Variants in DOCK1 observed in about 807,000 individuals in gnomAD.
DOCK1 encodes dedicator of cytokinesis protein 1.
In DOCK1, 138 loss-of-function variants were observed where a neutral mutation model predicts 262.7. That is an observed-to-expected ratio of 0.53 (90% CI 0.46 to 0.61). DOCK1 has a LOEUF of 0.61. DOCK1 is among the 20% of genes least tolerant of loss of function. DOCK1 has a pLI of 0.00. For synonymous variants in DOCK1, 866 were observed against 867.4 expected (o/e 1.00, Z 0.03); for missense variants, 1,908 against 2,370.7 (o/e 0.80, Z 4.05).
At chr10:126,956,203 C>T (rs1451561146) in intron 1 of DOCK1, among the ~76,000 whole-genome samples, 2 of 152,228 alleles carry the variant, frequency 1.3e-5, no homozygotes, top group Non-Finnish European at 2.9e-5. Context: ...CTCAGAAGAG[C>T]TCATCAGCAG....
intron 29 of DOCK1, among the ~76,000 whole-genome samples, chr10:127,316,496 C>T (rs78329096): frequency 0.047 from 7,130 of 152,170 alleles, 202 homozygotes; most frequent in Non-Finnish European, 0.071. Flanking sequence ...TTTTGTTTGG[C>T]CTTGTATTGG....
chr10:126,967,827 T>G (rs1219295140), intron 1 of DOCK1, among the ~76,000 whole-genome samples: 1 of 152,154 alleles, frequency 6.6e-6, no homozygotes, highest in Non-Finnish European at 1.5e-5. Context: ...TTTCTTTTTG[T>G]TTTTGAGACG....
chr10:127,235,585 T>C (rs1005237776), intron 27 of DOCK1, among the ~76,000 whole-genome samples: 3 of 152,212 alleles, frequency 2.0e-5, no homozygotes, highest in Non-Finnish European at 2.9e-5. Flanking sequence ...GAAAGCTCTA[T>C]AAATACTTGT....
At chr10:127,213,584 AGAAACGT>A (rs1352756925) in intron 27 of DOCK1, among the ~76,000 whole-genome samples, 2 of 152,276 alleles carry the variant, frequency 1.3e-5, no homozygotes, top group African/African-American at 4.8e-5. Flanking sequence ...CAGTGCTTTC[AGAAACGT>A]GAATACATTA....
chr10:127,152,053 G>A (rs906396843), intron 27 of DOCK1, among the ~76,000 whole-genome samples: 2 of 152,012 alleles, frequency 1.3e-5, no homozygotes, highest in African/African-American at 2.4e-5. Context: ...AGAATATTAC[G>A]TAGGTTTAGG....
intron 23 of DOCK1, among the ~76,000 whole-genome samples, 153 bp downstream of exon 23, chr10:127,061,929 C>CTTTT (rs562310710): frequency 2.8e-4 from 20 of 71,792 alleles, no homozygotes; most frequent in South Asian, 1.1e-3. Flanking sequence ...AAGAGCTGTG[C>CTTTT]TTTTTTTTTT....
chr10:127,026,126 C>A, intron 15 of DOCK1: 3 of 471,564 alleles, frequency 6.4e-6, no homozygotes, highest in South Asian at 2.4e-5. Flanking sequence ...AAAAAAAATT[C>A]AGCTGTGTCA....
intron 33 of DOCK1, among the ~76,000 whole-genome samples, chr10:127,372,861 G>A (rs2065280710): frequency 6.6e-6 from 1 of 152,108 alleles, no homozygotes; most frequent in Non-Finnish European, 1.5e-5. Context: ...TCATCTTTAT[G>A]GGAATGAACA....
chr10:127,438,895 CACCCTTG>C, intron 48 of DOCK1, 125 bp from the exon 49 acceptor site: 1 of 877,552 alleles, frequency 1.1e-6, no homozygotes, highest in South Asian at 1.9e-5. Context: ...TATCTGAAGT[CACCCTTG>C]GCCTCCCTTT....
chr10:127,304,567 A>G lies in DOCK1; in HGVS notation c.3045-34439A>G, dbSNP rs148661123. Among the ~76,000 whole-genome samples the G allele has an allele frequency of 9.2e-3, 1,402 of 152,224 alleles. 26 individuals are homozygous for G. The highest frequency in any genetic ancestry group is 0.03 in the African/African-American group (1,255 of 41,546). On this transcript the variant is annotated intron_variant, in intron 29 of 51. Coordinates refer to ENST00000623213, the MANE Select transcript of DOCK1 (RefSeq NM_001290223.2). ...GAAGCTATTTTTATGATTACCACAT[A>G]CCTTGTATTTTATTTTTACTGAAAA...
chr10:127,050,368 G>C (rs995326031), intron 21 of DOCK1, among the ~76,000 whole-genome samples: 2 of 150,886 alleles, frequency 1.3e-5, no homozygotes, highest in Admixed American at 6.6e-5. Context: ...ATATATAATA[G>C]ATATTTCCAA....
At chr10:127,441,285 G>C (rs980591272) in intron 49 of DOCK1, among the ~76,000 whole-genome samples, 20 of 152,182 alleles carry the variant, frequency 1.3e-4, no homozygotes, top group Admixed American at 6.5e-5. Flanking sequence ...CAAGCAGCAG[G>C]GCTAGGGGCA....
chr10:127,441,345 T>A (rs945417526), intron 49 of DOCK1, among the ~76,000 whole-genome samples: 1 of 152,130 alleles, frequency 6.6e-6, no homozygotes, highest in African/African-American at 2.4e-5. Context: ...CCTCAGCAAA[T>A]CCACAGGAAC....
At chr10:127,036,043 T>TAAAAA (rs56691668) in intron 18 of DOCK1, among the ~76,000 whole-genome samples, 2 of 147,562 alleles carry the variant, frequency 1.4e-5, no homozygotes, top group South Asian at 2.2e-4. Flanking sequence ...AATAAATAAA[T>TAAAAA]AAAAAAGAGT....
intron 47 of DOCK1, among the ~76,000 whole-genome samples, chr10:127,431,747 C>T (rs1425486021): frequency 6.6e-6 from 1 of 152,196 alleles, no homozygotes; most frequent in Middle Eastern, 3.2e-3. Context: ...TCTGTATTAT[C>T]TGTGGCTGCT....
At position 127,023,330 on chromosome 10, in the gene DOCK1, T is replaced by C; in HGVS notation, c.1452+6T>C. 1.2e-6 allele frequency: 2 copies of C among 1,613,642 alleles called. No homozygotes were observed. The highest frequency in any genetic ancestry group is 8.5e-7 in the Non-Finnish European group (1 of 1,179,782). ...AGGATGGGAAACGATTAGAGGTATT[T>C]ATTGTGGCGAGGGCTCATCTGTAGT... On this transcript the variant is annotated splice_donor_region_variant and intron_variant, in intron 14 of 51. Coordinates refer to ENST00000623213, the MANE Select transcript of DOCK1 (RefSeq NM_001290223.2).
At position 127,236,497 on chromosome 10, in the gene DOCK1, CG is replaced by C. The variant is rs1428745555; in HGVS notation, c.2848-11508del. On this transcript the variant is annotated intron_variant, in intron 27 of 51. Transcript: ENST00000623213. Reference sequence around the variant, plus strand: ...GTTTGCACATTGATCCTTCTTGACACGGGTTTTTTTTTTTTTTTTTTTTTTT... The same window carrying C: ...GTTTGCACATTGATCCTTCTTGACACGGTTTTTTTTTTTTTTTTTTTTTTT... Among the ~76,000 whole-genome samples the C allele has an allele frequency of 2.9e-5, 3 of 104,194 alleles. 1 individual carries two copies. The highest frequency in any genetic ancestry group is 7.2e-5 in the African/African-American group (2 of 27,614). The allele number at this position is 104,194 out of a possible 152,430, so 68.4% of individuals were successfully genotyped here. A position where few individuals can be genotyped will look rare whatever the true frequency, so the allele number is the denominator to read the frequency against.
In DOCK1 at chr10:127,100,966, G is replaced by A. The variant is rs1315301278; in HGVS notation, c.2446-5265G>A. ...CTTTTCCGGGTGAGAGGCTGGTGTG[G>A]GCTTCATGATAGAAAGCAGGAGGCA... On this transcript the variant is annotated intron_variant, in intron 23 of 51. Transcript: ENST00000623213. This position sits in a 1 kb window ranked among gnomAD's most constrained non-coding sequence, Gnocchi z 5.5. Among the ~76,000 whole-genome samples, 1 of 152,052 alleles carries A rather than the reference G, an allele frequency of 6.6e-6. No homozygotes were observed. The highest frequency in any genetic ancestry group is 1.5e-5 in the Non-Finnish European group (1 of 68,030).
At chr10:126,914,761 A>G (rs1227196678) in intron 1 of DOCK1, among the ~76,000 whole-genome samples, 1 of 152,238 alleles carries the variant, frequency 6.6e-6, no homozygotes, top group Non-Finnish European at 1.5e-5. Context: ...CTGCTGTAAC[A>G]AACAGCCCCA....
Sources: allele counts gnomAD v4.1 joint callset (sites outside exome capture counted in the v4.1 genomes callset), GRCh38; gene constraint gnomAD v4.1.1; non-coding constraint Gnocchi (gnomAD v3.1); transcripts MANE v1.5; gene names NCBI Gene and HGNC (gene_info 2026-07-23, HGNC 2026-07-21).